SPTBN1: variants seen among roughly 807,000 people sequenced by gnomAD.
SPTBN1 encodes spectrin beta chain, non-erythrocytic 1.
In SPTBN1, 32 loss-of-function variants were observed where a neutral mutation model predicts 266.4. The ratio of observed to expected loss-of-function variants is 0.12; its 90% CI spans 0.09 to 0.16. The LOEUF (loss-of-function observed/expected upper bound fraction) is 0.16. SPTBN1 is among the 10% of genes least tolerant of loss of function. The pLI is 1.00. For missense variants in SPTBN1, 2,296 were observed against 3,067.1 expected, an observed-to-expected ratio of 0.75 and a Z score of 5.94; for synonymous variants, 1,336 against 1,162.2, an observed-to-expected ratio of 1.15 and a Z score of -3.04.
chr2:54,526,020 C>T (rs1300921875), intron 1 of SPTBN1, among the ~76,000 whole-genome samples: 1 of 152,256 alleles, frequency 6.6e-6, no homozygotes, highest in Non-Finnish European at 1.5e-5. Flanking sequence ...GCGTGAGCCA[C>T]TGCACCTGGC....
Position 54,649,488 on chromosome 2 carries a change from C to G in SPTBN1, c.5203-127C>G. On this transcript the variant is annotated intron_variant, in intron 25 of 35. Transcript: ENST00000356805. The surrounding 1 kb of genome is among the most constrained non-coding windows in gnomAD (Gnocchi z 6.7). ...GGTTCTCGAGCTAAGATCTATTGTT[C>G]TGAAGTCATGAGTATTATTGGCTAC... 1.4e-6 allele frequency: 2 copies of G among 1,393,084 alleles called. No individual in the cohort carries two copies. Among genetic ancestry groups the G allele is most frequent in the East Asian group, 2.5e-5 (1 of 40,342 alleles). 86.3% of individuals were successfully genotyped at this position (1,393,084 alleles called of 1,614,324 possible). A position where few individuals can be genotyped will look rare whatever the true frequency, so the allele number is the denominator to read the frequency against.
chr2:54,612,411 C>T (rs1157472194), intron 4 of SPTBN1, 77 bp downstream of exon 4: 4 of 1,479,654 alleles, frequency 2.7e-6, no homozygotes, highest in Non-Finnish European at 2.7e-6. Flanking sequence ...AGCTGGCCTC[C>T]CTGTATCAGA....
At chr2:54,659,365 C>T (rs1030827184) in intron 31 of SPTBN1, 99 bp downstream of exon 31, 1 of 1,129,200 alleles carries the variant, frequency 8.9e-7, no homozygotes, top group Non-Finnish European at 1.3e-6. Flanking sequence ...GGCCTAACCA[C>T]ATGCCCTGCC....
chr2:54,478,895 T>A (rs576182527), intron 1 of SPTBN1, among the ~76,000 whole-genome samples: 1 of 146,982 alleles, frequency 6.8e-6, no homozygotes, highest in South Asian at 2.2e-4. Flanking sequence ...TATATGTGAG[T>A]GTGTGTGTAT....
At chr2:54,494,908 G>GTA (rs952043453) in intron 1 of SPTBN1, among the ~76,000 whole-genome samples, 47 of 106,202 alleles carry the variant, frequency 4.4e-4, no homozygotes, top group African/African-American at 1.7e-3. Context: ...GAATAAAGCT[G>GTA]TTTTTTTTTA....
rs1173258594 is a variant in SPTBN1, at chr2:54,626,880, C to T, written c.1644+646C>T. On this transcript the variant is annotated intron_variant, in intron 12 of 35. Coordinates refer to ENST00000356805, the MANE Select transcript of SPTBN1 (RefSeq NM_003128.3). This position sits in a 1 kb window ranked among gnomAD's most constrained non-coding sequence, Gnocchi z 4.7. ...TCTTAGCATAGAGTTCCAACCTTTC[C>T]CCCTTCCCAGGAAGAGACCTGCTAT... Among the ~76,000 whole-genome samples the T allele has an allele frequency of 6.6e-6, 1 of 152,184 alleles. No homozygotes were observed. Among genetic ancestry groups the T allele is most frequent in the Non-Finnish European group, 1.5e-5 (1 of 68,026 alleles).
In SPTBN1 at chr2:54,533,930, A is replaced by G. The variant is rs1671437788; in HGVS notation, c.148+7364A>G. Among the ~76,000 whole-genome samples, 3 of 150,130 alleles carry G rather than the reference A, an allele frequency of 2.0e-5. No individual in the cohort carries two copies. Among genetic ancestry groups the G allele is most frequent in the African/African-American group, 4.9e-5 (2 of 40,906 alleles). On this transcript the variant is annotated intron_variant, in intron 2 of 35. Transcript: ENST00000356805. The surrounding 1 kb of genome is among the most constrained non-coding windows in gnomAD (Gnocchi z 4.2). ...CACACACACACACACACACACACGC[A>G]CGCACGCACACAAACACACACACCC... is the stretch of plus-strand genomic sequence containing the variant.
At chr2:54,648,671 C>T (rs560784064) in intron 24 of SPTBN1, among the ~76,000 whole-genome samples, 1 of 152,280 alleles carries the variant, frequency 6.6e-6, no homozygotes, top group Non-Finnish European at 1.5e-5. Flanking sequence ...AGAATTTTCC[C>T]CTTTCCCCGC....
intron 1 of SPTBN1, among the ~76,000 whole-genome samples, chr2:54,525,829 C>G (rs546446413): frequency 6.6e-6 from 1 of 152,098 alleles, no homozygotes; most frequent in South Asian, 2.1e-4. Context: ...CTCCCAGATT[C>G]GAGCAATTCT....
intron 2 of SPTBN1, chr2:54,527,837 C>G (rs1670917196): frequency 6.6e-6 from 1 of 152,216 alleles, no homozygotes; most frequent in African/African-American, 2.4e-5. Flanking sequence ...GTTGGAGAAT[C>G]TCATGTGCTG....
intron 2 of SPTBN1, among the ~76,000 whole-genome samples, chr2:54,596,887 A>C (rs1285234011): frequency 1.3e-5 from 2 of 152,112 alleles, no homozygotes; most frequent in African/African-American, 4.8e-5. Flanking sequence ...GGCACTAAGG[A>C]AGTATATTGA....
intron 1 of SPTBN1, among the ~76,000 whole-genome samples, chr2:54,495,559 A>G (rs1438460604): frequency 6.6e-6 from 1 of 152,216 alleles, no homozygotes; most frequent in Admixed American, 6.5e-5. Flanking sequence ...AAAAATAAGA[A>G]AATTTAAATT....
At chr2:54,479,468 G>A (rs1257766067) in intron 1 of SPTBN1, among the ~76,000 whole-genome samples, 3 of 152,328 alleles carry the variant, frequency 2.0e-5, no homozygotes, top group South Asian at 4.1e-4. Flanking sequence ...GTTACTGACT[G>A]TGGTCTTTGG....
At chr2:54,511,363 A>G (rs1669849070) in intron 1 of SPTBN1, among the ~76,000 whole-genome samples, 1 of 152,102 alleles carries the variant, frequency 6.6e-6, no homozygotes, top group Non-Finnish European at 1.5e-5. Context: ...GTTAAACAAT[A>G]TTTTGTTTTT....
At chr2:54,495,450 A>G (rs144383105) in intron 1 of SPTBN1, among the ~76,000 whole-genome samples, 1 of 152,292 alleles carries the variant, frequency 6.6e-6, no homozygotes, top group Non-Finnish European at 1.5e-5. Flanking sequence ...TGTCCAGGAA[A>G]CTGCAGACTA....
intron 9 of SPTBN1, among the ~76,000 whole-genome samples, chr2:54,622,985 AT>A (rs1006031831): frequency 2.0e-5 from 3 of 152,054 alleles, no homozygotes; most frequent in East Asian, 1.9e-4. Context: ...AAAAAGTTTG[AT>A]TTTTTTTCAT....
Position 54,558,618 on chromosome 2 carries a change from A to G in SPTBN1, c.148+32052A>G. On this transcript the variant is annotated intron_variant, in intron 2 of 35. Transcript: ENST00000356805. The surrounding 1 kb of genome is among the most constrained non-coding windows in gnomAD (Gnocchi z 4.6). ...GCGGAGCTAAGGTGGACTCTCTTGCAGCCAACTTCCCATCAGATCACCCTG... is the reference window on the plus strand; with the variant it reads ...GCGGAGCTAAGGTGGACTCTCTTGCGGCCAACTTCCCATCAGATCACCCTG... The G allele has an allele frequency of 6.9e-7, 1 of 1,441,598 alleles. No individual in the cohort carries two copies. Among genetic ancestry groups the G allele is most frequent in the Non-Finnish European group, 9.1e-7 (1 of 1,096,016 alleles). The allele number at this position is 1,441,598 out of a possible 1,614,324, so 89.3% of individuals were successfully genotyped here.
At chr2:54,483,141 G>A (rs1252929361) in intron 1 of SPTBN1, among the ~76,000 whole-genome samples, 1 of 152,188 alleles carries the variant, frequency 6.6e-6, no homozygotes, top group Non-Finnish European at 1.5e-5. Context: ...CTAGGTGAGA[G>A]GAGATTTTTA....
intron 26 of SPTBN1, among the ~76,000 whole-genome samples, chr2:54,651,287 G>A (rs575861779): frequency 1.3e-5 from 2 of 152,294 alleles, no homozygotes; most frequent in African/African-American, 2.4e-5. Context: ...TAGAGATGAG[G>A]AAGCCAAAGA....
Sources: gnomAD v4.1 joint callset for allele counts (sites outside exome capture counted in the v4.1 genomes callset) on GRCh38, gnomAD v4.1.1 for gene constraint, Gnocchi (gnomAD v3.1) non-coding constraint, MANE v1.5 for transcripts, NCBI Gene and HGNC (gene_info 2026-07-23, HGNC 2026-07-21) for gene names.